Variants in RGS17 observed in about 807,000 individuals in gnomAD.
RGS17 encodes the protein regulator of G protein signaling 17.
RGS17 carries 12 observed loss-of-function variants against 25.5 expected under a neutral mutation model. That is an observed-to-expected ratio of 0.47 (90% CI 0.30 to 0.76). RGS17 has a LOEUF of 0.76. RGS17 is among the 30% of genes least tolerant of loss of function. The pLI is 0.07. For missense variants in RGS17, 196 were observed against 242.2 expected (o/e 0.81, Z 1.27); for synonymous variants, 71 against 76.9 (o/e 0.92, Z 0.40).
intron 1 of RGS17, among the ~76,000 whole-genome samples, chr6:153,048,198 A>C (rs1386927389): frequency 1.3e-5 from 2 of 152,164 alleles, no homozygotes; most frequent in African/African-American, 4.8e-5. Context: ...TTTTCCCAAA[A>C]ACATGTTCTT....
At chr6:153,116,772 C>G (rs1777553031) in intron 1 of RGS17, among the ~76,000 whole-genome samples, 1 of 152,106 alleles carries the variant, frequency 6.6e-6, no homozygotes, top group South Asian at 2.1e-4. Context: ...ATGTCCTTTG[C>G]AGGGACATGG....
chr6:153,027,070 C>T (rs1779311060), intron 2 of RGS17, among the ~76,000 whole-genome samples: 1 of 152,106 alleles, frequency 6.6e-6, no homozygotes, highest in South Asian at 2.1e-4. Context: ...TAAAATCAAG[C>T]TACCGGATTT....
chr6:153,115,399 C>G (rs1333254292), intron 1 of RGS17, among the ~76,000 whole-genome samples: 1 of 152,074 alleles, frequency 6.6e-6, no homozygotes. Context: ...TCTTCAAGAA[C>G]TACAAACCAC....
chr6:153,011,616 C>G lies in RGS17; in HGVS notation c.591G>C (p.Lys197Asn). The G allele has an allele frequency of 6.2e-7, 1 of 1,611,232 alleles. No homozygotes were observed. Among genetic ancestry groups the G allele is most frequent in the South Asian group, 1.1e-5 (1 of 90,734 alleles). The change falls in exon 5 of 5, where the codon AAG becomes AAC. Residue 197 changes from lysine to asparagine, a missense_variant. Lys to Asn is a moderately conservative substitution (Grantham distance 94). Around this residue, in one of 2 missense-constraint regions of RGS17, gnomAD observed 179 missense variants for 197.6 expected, o/e 0.91. Transcript: ENST00000206262. ...AGCCAGCAGTACTTTCAACAAATGA[C>G]TTATAAATTTGAGAGTTCAAAAACC... Reference protein sequence around the residue: ...FPRFLNSQIYKSFVESTAGSS... With the variant: ...FPRFLNSQIYNSFVESTAGSS...
At chr6:153,054,687 A>G (rs1023964779) in intron 1 of RGS17, among the ~76,000 whole-genome samples, 1 of 150,074 alleles carries the variant, frequency 6.7e-6, no homozygotes, top group Non-Finnish European at 1.5e-5. Flanking sequence ...ATAAATAAAT[A>G]AATAAAAAGA....
chr6:153,073,454 C>A (rs1776836018), intron 1 of RGS17, among the ~76,000 whole-genome samples: 1 of 152,100 alleles, frequency 6.6e-6, no homozygotes, highest in Non-Finnish European at 1.5e-5. Flanking sequence ...AGAAAGTAAC[C>A]AAGGGTGCAG....
At chr6:153,020,107 AAAAAATAT>A (rs1317747947) in intron 4 of RGS17, among the ~76,000 whole-genome samples, 10 of 47,850 alleles carry the variant, frequency 2.1e-4, no homozygotes, top group South Asian at 7.9e-4. Flanking sequence ...TCTTAAAAAA[AAAAAATAT>A]ATATATATAT....
intron 1 of RGS17, among the ~76,000 whole-genome samples, chr6:153,064,295 T>C (rs139557118): frequency 0.014 from 2,157 of 152,148 alleles, 55 homozygotes; most frequent in African/African-American, 0.049. Flanking sequence ...TTTCAAGACA[T>C]AGACAGTACA....
At chr6:153,031,670 G>GA (rs1277733476) in intron 2 of RGS17, among the ~76,000 whole-genome samples, 1 of 152,166 alleles carries the variant, frequency 6.6e-6, no homozygotes, top group Non-Finnish European at 1.5e-5. Flanking sequence ...TCTTTACATA[G>GA]AAGAGTTAAT....
At chr6:153,070,793 A>T (rs1165264734) in intron 1 of RGS17, among the ~76,000 whole-genome samples, 1 of 151,136 alleles carries the variant, frequency 6.6e-6, no homozygotes, top group Non-Finnish European at 1.5e-5. Flanking sequence ...ATATATACAC[A>T]TACATATACA....
At chr6:153,124,987 G>A (rs1039608965) in intron 1 of RGS17, among the ~76,000 whole-genome samples, 10 of 152,064 alleles carry the variant, frequency 6.6e-5, no homozygotes, top group African/African-American at 2.4e-4. Context: ...CTGGAAAATA[G>A]AGAAAGTGAC....
chr6:153,040,082 T>C (rs372402267), intron 2 of RGS17, among the ~76,000 whole-genome samples: 1 of 21,372 alleles, frequency 4.7e-5, no homozygotes, highest in Non-Finnish European at 7.8e-5. Flanking sequence ...ATTTTATGTG[T>C]ATTTAAGGAT....
chr6:153,084,322 T>C (rs1234520941), intron 1 of RGS17, among the ~76,000 whole-genome samples: 1 of 152,198 alleles, frequency 6.6e-6, no homozygotes, highest in African/African-American at 2.4e-5. Context: ...CTACATAAAA[T>C]CCCTTAACAA....
chr6:153,075,787 C>A (rs1029856110), intron 1 of RGS17, among the ~76,000 whole-genome samples: 17 of 152,134 alleles, frequency 1.1e-4, no homozygotes, highest in African/African-American at 3.9e-4. Flanking sequence ...AAAAAGAAAA[C>A]AATGTATTCA....
Position 153,024,310 on chromosome 6 carries a change from C to G in RGS17, c.396G>C (p.Lys132Asn), listed in dbSNP as rs1222288235. The G allele has an allele frequency of 6.2e-7, 1 of 1,613,848 alleles. No homozygotes were observed. The highest frequency in any genetic ancestry group is 8.5e-7 in the Non-Finnish European group (1 of 1,179,812). The change falls in exon 4 of 5, where the codon AAG (lysine) becomes AAC (asparagine). Residue 132 changes from lysine to asparagine, a missense_variant. Physicochemically the swap from Lys to Asn is moderately conservative, Grantham distance 94 (BLOSUM62 0). Around this residue, in one of 2 missense-constraint regions of RGS17, gnomAD observed 179 missense variants for 197.6 expected, o/e 0.91. Coordinates refer to ENST00000206262, the MANE Select transcript of RGS17 (RefSeq NM_012419.5). ...TGTAATCTTCATATATCATCCTAGCCTTTTCTTCAATTACTTTTTTGTTCT... is the reference window on the plus strand; with the variant it reads ...TGTAATCTTCATATATCATCCTAGCGTTTTCTTCAATTACTTTTTTGTTCT... ...KEQNKKVIEE[K>N]ARMIYEDYIS...
At chr6:153,021,555 T>C (rs1223293719) in intron 4 of RGS17, among the ~76,000 whole-genome samples, 1 of 152,228 alleles carries the variant, frequency 6.6e-6, no homozygotes, top group African/African-American at 2.4e-5. Flanking sequence ...CTACTTTTGC[T>C]TGTTTGTTTT....
intron 1 of RGS17, among the ~76,000 whole-genome samples, chr6:153,070,666 T>C (rs1263703225): frequency 7.2e-6 from 1 of 139,646 alleles, no homozygotes; most frequent in Non-Finnish European, 1.5e-5. Context: ...CAGTACCACA[T>C]GGAAGATTGT....
intron 1 of RGS17, among the ~76,000 whole-genome samples, chr6:153,125,970 T>C (rs1276964167): frequency 1.3e-5 from 2 of 152,138 alleles, no homozygotes; most frequent in African/African-American, 4.8e-5. Flanking sequence ...ACTTAAAAAG[T>C]CAAAAACAGG....
chr6:153,127,020 G>A (rs1030718196), intron 1 of RGS17, among the ~76,000 whole-genome samples: 1 of 152,204 alleles, frequency 6.6e-6, no homozygotes, highest in Non-Finnish European at 1.5e-5. Flanking sequence ...GGCAGTGGGG[G>A]TGGGGGAATA....
Sources: gnomAD v4.1 joint callset for allele counts (sites outside exome capture counted in the v4.1 genomes callset) on GRCh38, gnomAD v4.1.1 for gene constraint, gnomAD v4.1.1 regional missense constraint, MANE v1.5 for transcripts, NCBI Gene and HGNC (gene_info 2026-07-23, HGNC 2026-07-21) for gene names.